The following SPATS2L variants were observed in gnomAD, a reference collection of about 807,000 sequenced individuals.
SPATS2L encodes SPATS2-like protein.
Under a neutral mutation model 59.6 loss-of-function variants are expected in SPATS2L, and 30 were observed. The observed-to-expected ratio is 0.50, with a 90% CI of 0.38 to 0.68. The LOEUF is 0.68. Among genes scored for constraint, SPATS2L ranks in the 30% least tolerant of loss-of-function variants. The pLI is 0.00. For synonymous variants in SPATS2L, 252 were observed against 263.5 expected (o/e 0.96, Z 0.42); for missense variants, 615 against 700.0 (o/e 0.88, Z 1.37).
At chr2:200,316,267 T>C (rs149441999) in intron 1 of SPATS2L, among the ~76,000 whole-genome samples, 2 of 152,314 alleles carry the variant, frequency 1.3e-5, no homozygotes, top group East Asian at 3.9e-4. Flanking sequence ...CTGTAGTCTG[T>C]TGGACTCTTA....
intron 9 of SPATS2L, among the ~76,000 whole-genome samples, chr2:200,462,483 A>G (rs2086307114): frequency 1.3e-5 from 2 of 152,224 alleles, no homozygotes; most frequent in African/African-American, 4.8e-5. Context: ...TTGGTATGGC[A>G]GGTCCTGGTT....
At chr2:200,394,193 C>T (rs2082259093) in intron 3 of SPATS2L, among the ~76,000 whole-genome samples, 1 of 152,210 alleles carries the variant, frequency 6.6e-6, no homozygotes, top group South Asian at 2.1e-4. Flanking sequence ...GCATAACATA[C>T]ATCCCCTGCA....
intron 3 of SPATS2L, chr2:200,390,021 G>A (rs1326107921): frequency 1.3e-5 from 2 of 152,244 alleles, no homozygotes; most frequent in Non-Finnish European, 2.9e-5. Flanking sequence ...GCACTGGTTT[G>A]CTAGTGGTTG....
intron 9 of SPATS2L, among the ~76,000 whole-genome samples, chr2:200,461,998 C>G (rs752566409): frequency 1.3e-5 from 2 of 148,716 alleles, no homozygotes; most frequent in Non-Finnish European, 1.5e-5. Context: ...GGTAGTTAAA[C>G]AATCTCTTTG....
At chr2:200,379,187 A>G (rs925198059) in intron 2 of SPATS2L, among the ~76,000 whole-genome samples, 3 of 152,218 alleles carry the variant, frequency 2.0e-5, no homozygotes, top group Non-Finnish European at 4.4e-5. Context: ...TTTGGGGCCA[A>G]GAGCTCTGGA....
At chr2:200,383,186 C>T (rs1189151140) in intron 2 of SPATS2L, among the ~76,000 whole-genome samples, 2 of 152,112 alleles carry the variant, frequency 1.3e-5, no homozygotes, top group Admixed American at 6.6e-5. Flanking sequence ...CTGGGAACCA[C>T]ACTTTAAGAA....
rs186031901 is a variant in SPATS2L, at chr2:200,363,071, G to A, written c.-22-26152G>A. On this transcript the variant is annotated intron_variant, in intron 2 of 12. Coordinates refer to ENST00000409140, the MANE Select transcript of SPATS2L (RefSeq NM_001100423.2). ...GGAAGCCGTACTGCCATTGCCCCTC[G>A]ATCCAGATCCTTCTATTAGTCTCAG... is the stretch of plus-strand genomic sequence containing the variant. Among the ~76,000 whole-genome samples the A allele has an allele frequency of 2.2e-4, 33 of 152,150 alleles. No homozygotes were observed. The East Asian group carries it at 3.9e-3, about 18-fold the overall frequency.
At chr2:200,454,287 T>C (rs2085678739) in intron 8 of SPATS2L, among the ~76,000 whole-genome samples, 1 of 152,196 alleles carries the variant, frequency 6.6e-6, no homozygotes, top group Admixed American at 6.5e-5. Flanking sequence ...CTCCAGCTTA[T>C]CAACTACATT....
intron 9 of SPATS2L, among the ~76,000 whole-genome samples, chr2:200,465,936 G>A (rs536138876): frequency 3.3e-4 from 50 of 152,304 alleles, no homozygotes; most frequent in African/African-American, 1.1e-3. Flanking sequence ...GGAGGCTGAC[G>A]CAGGAGAATG....
chr2:200,351,760 C>T (rs1395844250), intron 2 of SPATS2L, among the ~76,000 whole-genome samples: 1 of 152,004 alleles, frequency 6.6e-6, no homozygotes, highest in African/African-American at 2.4e-5. Flanking sequence ...ACATAGCTAA[C>T]AATGATGTAG....
chr2:200,439,386 C>A, intron 7 of SPATS2L, 58 bp downstream of exon 7: 3 of 1,427,182 alleles, frequency 2.1e-6, no homozygotes, highest in Non-Finnish European at 2.9e-6. Flanking sequence ...CAGAAAAGTG[C>A]CAGAGTGACA....
rs2079029395 is a variant in SPATS2L, at chr2:200,306,822, C to G, written c.-173C>G. On this transcript the variant is annotated 5_prime_UTR_variant, in exon 1 of 13. Coordinates refer to ENST00000409140, the MANE Select transcript of SPATS2L (RefSeq NM_001100423.2). ...AGCGGCTCCCGCTCGGCCCGCCCTC[C>G]GAGCCGCAGGGGCCGCCACCGCCGC... 9 of 980,750 alleles carry G rather than the reference C, an allele frequency of 9.2e-6. No individual in the cohort carries two copies. The South Asian group carries it at 2.8e-4, about 31-fold the overall frequency. The allele number at this position is 980,750 out of a possible 1,614,324, so 60.8% of individuals were successfully genotyped here.
intron 1 of SPATS2L, among the ~76,000 whole-genome samples, chr2:200,316,936 T>C (rs545935364): frequency 6.6e-6 from 1 of 152,230 alleles, no homozygotes; most frequent in Non-Finnish European, 1.5e-5. Flanking sequence ...GTCCCGCTGG[T>C]CTCTGAGTCC....
chr2:200,311,537 T>C (rs2105745547), intron 1 of SPATS2L, among the ~76,000 whole-genome samples: 1 of 152,210 alleles, frequency 6.6e-6, no homozygotes, highest in East Asian at 1.9e-4. Context: ...GTTCAGCTAA[T>C]TGGCTCTAAA....
chr2:200,437,817 G>A (rs1451724779), intron 6 of SPATS2L, among the ~76,000 whole-genome samples: 2 of 152,112 alleles, frequency 1.3e-5, no homozygotes, highest in African/African-American at 4.8e-5. Flanking sequence ...AATTGACTAG[G>A]ACCTAGATCA....
intron 3 of SPATS2L, among the ~76,000 whole-genome samples, chr2:200,403,383 A>G (rs532084569): frequency 6.6e-6 from 1 of 152,342 alleles, no homozygotes; most frequent in East Asian, 1.9e-4. Context: ...TGTGGAGAAC[A>G]CTTTAGTTCT....
At position 200,310,588 on chromosome 2, in the gene SPATS2L, A is replaced by G. The variant is rs73050396; in HGVS notation, c.-73+3666A>G. 6.9e-3 allele frequency among the ~76,000 whole-genome samples: 1,058 copies of G among 152,334 alleles called. 13 individuals are homozygous for G. Among genetic ancestry groups the G allele is most frequent in the African/African-American group, 0.024 (1,007 of 41,570 alleles). On this transcript the variant is annotated intron_variant, in intron 1 of 12. Transcript: ENST00000409140. ...CTTCAAGGATTGTTTCACAGGAACAATACTTTAGCATTGTTTAGTATTGCA... is the reference window on the plus strand; with the variant it reads ...CTTCAAGGATTGTTTCACAGGAACAGTACTTTAGCATTGTTTAGTATTGCA...
Position 200,380,162 on chromosome 2 carries a change from T to A in SPATS2L, c.-22-9061T>A, listed in dbSNP as rs373386914. On this transcript the variant is annotated intron_variant, in intron 2 of 12. Transcript: ENST00000409140. ...CGTCCTCCTCCCCCTGTGCTTGCAC[T>A]GCCTCAGATCCGCTGCATTTATTTT... Among the ~76,000 whole-genome samples, 17 of 152,354 alleles carry A rather than the reference T, an allele frequency of 1.1e-4. No homozygotes were observed. The East Asian group carries it at 2.3e-3, about 21-fold the overall frequency.
intron 2 of SPATS2L, among the ~76,000 whole-genome samples, chr2:200,347,215 C>T (rs2080542976): frequency 6.6e-6 from 1 of 152,200 alleles, no homozygotes; most frequent in Admixed American, 6.5e-5. Flanking sequence ...TTCTTTTCCT[C>T]TTCCTTAGTA....
Sources: gnomAD v4.1 joint callset for allele counts (sites outside exome capture counted in the v4.1 genomes callset) on GRCh38, gnomAD v4.1.1 for gene constraint, MANE v1.5 for transcripts, NCBI Gene and HGNC (gene_info 2026-07-23, HGNC 2026-07-21) for gene names.